BLTP2: variants seen among roughly 807,000 people sequenced by gnomAD.
BLTP2 encodes U937-associated antigen.
At chr17:28,619,575 A>G in the BLTP2 span, 8 of 1,573,124 alleles carry the variant, frequency 5.1e-6, no homozygotes, top group Middle Eastern at 2.3e-4. Context: ...AGACCTAAAG[A>G]CAGTCAAAAC....
chr17:28,619,511 T>C, the BLTP2 span: 2 of 1,002,890 alleles, frequency 2.0e-6, no homozygotes, highest in Non-Finnish European at 2.9e-6. Context: ...CATTTTCTTA[T>C]TCAGGAAGAG....
chr17:28,628,510 T>A, the BLTP2 span: 1 of 1,614,180 alleles, frequency 6.2e-7, no homozygotes, highest in Non-Finnish European at 8.5e-7. Flanking sequence ...ATCTACTAAG[T>A]GCAGCTGATG....
chr17:28,635,245 C>T, the BLTP2 span: 3 of 1,614,178 alleles, frequency 1.9e-6, no homozygotes, highest in Non-Finnish European at 2.5e-6. Flanking sequence ...GTTGAAGATA[C>T]TATTGCCATC....
chr17:28,639,385 G>GA, the BLTP2 span: 2 of 1,613,962 alleles, frequency 1.2e-6, no homozygotes, highest in Non-Finnish European at 1.7e-6. Context: ...TGCAGCCAGT[G>GA]AGAGAATTCC....
At chr17:28,619,768 T>C in the BLTP2 span, 132 of 1,613,962 alleles carry the variant, frequency 8.2e-5, no homozygotes, top group Non-Finnish European at 9.8e-5. Flanking sequence ...GCTGTCATCC[T>C]GCAAAGACTA....
At chr17:28,620,039 A>G in the BLTP2 span, 1 of 1,592,496 alleles carries the variant, frequency 6.3e-7, no homozygotes, top group Non-Finnish European at 8.5e-7. Flanking sequence ...AAGGGAAATG[A>G]ATATGATTTT....
the BLTP2 span, chr17:28,624,271 A>G: frequency 1.2e-6 from 2 of 1,614,224 alleles, no homozygotes; most frequent in Middle Eastern, 1.7e-4. Flanking sequence ...TTTCGGTTGT[A>G]TATGTCATCC....
the BLTP2 span, among the ~76,000 whole-genome samples, chr17:28,618,184 C>T: frequency 8.6e-5 from 13 of 152,038 alleles, no homozygotes; most frequent in South Asian, 6.2e-4. Context: ...GCACCTGCCT[C>T]GGCCTTCCAG....
chr17:28,624,344 T>C, the BLTP2 span: 1 of 1,614,058 alleles, frequency 6.2e-7, no homozygotes, highest in Non-Finnish European at 8.5e-7. Context: ...CTGTGAACAC[T>C]ACAAACCTAT....
At chr17:28,640,782 G>T in the BLTP2 span, 8 of 1,185,358 alleles carry the variant, frequency 6.7e-6, no homozygotes, top group Middle Eastern at 2.0e-4. Context: ...CCCACATAAA[G>T]TAGGCTAAGC....
the BLTP2 span, chr17:28,638,115 T>C: frequency 1.9e-6 from 3 of 1,612,058 alleles, no homozygotes; most frequent in Non-Finnish European, 1.7e-6. Context: ...AGCAGACGGA[T>C]CCCATTAGAA....
At chr17:28,631,731 T>C in the BLTP2 span, 1 of 1,607,094 alleles carries the variant, frequency 6.2e-7, no homozygotes, top group Non-Finnish European at 8.5e-7. Context: ...CAGAGGATAG[T>C]GTAAGACAGA....
the BLTP2 span, among the ~76,000 whole-genome samples, chr17:28,625,658 C>T: frequency 6.6e-6 from 1 of 152,134 alleles, no homozygotes; most frequent in African/African-American, 2.4e-5. Context: ...AATTTTCTCC[C>T]TTAAACTCCT....
chr17:28,640,281 T>C, the BLTP2 span: 1 of 495,586 alleles, frequency 2.0e-6, no homozygotes, highest in East Asian at 4.1e-5. Flanking sequence ...TAATCCCAGC[T>C]ATTCGGGAGG....
At chr17:28,631,580 C>T in the BLTP2 span, 2 of 1,614,160 alleles carry the variant, frequency 1.2e-6, no homozygotes, top group Non-Finnish European at 1.7e-6. Context: ...TCAGCATTCT[C>T]TTCAGTGGGT....
chr17:28,639,934 T>C, the BLTP2 span: 17 of 1,613,914 alleles, frequency 1.1e-5, no homozygotes, highest in Admixed American at 1.5e-4. Context: ...ATCTGTGCCA[T>C]ATCAGAGTTT....
At chr17:28,638,021 C>A in the BLTP2 span, 3 of 1,614,058 alleles carry the variant, frequency 1.9e-6, no homozygotes, top group African/African-American at 4.0e-5. Flanking sequence ...CACCTGAAGT[C>A]CTCGAATGGT....
At chr17:28,623,672 A>G in the BLTP2 span, 2 of 1,069,192 alleles carry the variant, frequency 1.9e-6, no homozygotes, top group South Asian at 1.4e-5. Context: ...AGCTAGTAAC[A>G]GCAGGTTACT....
the BLTP2 span, chr17:28,634,402 A>AC: frequency 1.2e-6 from 1 of 822,470 alleles, no homozygotes; most frequent in South Asian, 1.7e-5. Context: ...ATCCCACTCC[A>AC]CCCACCCAAA....
Sources: allele counts gnomAD v4.1 joint callset (sites outside exome capture counted in the v4.1 genomes callset), GRCh38; gene constraint gnomAD v4.1.1; transcripts MANE v1.5; gene names NCBI Gene and HGNC (gene_info 2026-07-23, HGNC 2026-07-21).